The following PDE11A variants were observed in gnomAD, a reference collection of about 807,000 sequenced individuals.
PDE11A encodes the protein phosphodiesterase 11A.
In PDE11A, 100 loss-of-function variants were observed where a neutral mutation model predicts 100.5. That is an observed-to-expected ratio of 1.00 (90% CI 0.85 to 1.18). The LOEUF is 1.18. Ranked by LOEUF, PDE11A falls within the 50% of genes most tolerant of loss-of-function variation. The pLI is 0.00. For missense variants in PDE11A, 1,141 were observed against 1,152.6 expected (o/e 0.99, Z 0.15); for synonymous variants, 381 against 420.8 (o/e 0.91, Z 1.16).
At chr2:177,668,184 G>C (rs923470927) in intron 18 of PDE11A, among the ~76,000 whole-genome samples, 1 of 152,150 alleles carries the variant, frequency 6.6e-6, no homozygotes, top group Non-Finnish European at 1.5e-5. Context: ...AGGCTCCTTA[G>C]TGCTGCGCTA....
At chr2:178,026,812 G>T (rs2086484597) in intron 1 of PDE11A, among the ~76,000 whole-genome samples, 1 of 151,968 alleles carries the variant, frequency 6.6e-6, no homozygotes, top group African/African-American at 2.4e-5. Flanking sequence ...TTTCAAATCA[G>T]TCAGAAAATT....
At chr2:177,649,519 G>A (rs140891168) in intron 19 of PDE11A, among the ~76,000 whole-genome samples, 92 of 152,274 alleles carry the variant, frequency 6.0e-4, no homozygotes, top group African/African-American at 2.1e-3. Context: ...AGCAAGATAT[G>A]GAGCAGGATA....
intron 1 of PDE11A, among the ~76,000 whole-genome samples, chr2:178,055,553 G>A (rs1288833367): frequency 6.6e-6 from 1 of 151,960 alleles, no homozygotes; most frequent in African/African-American, 2.4e-5. Context: ...TTCAAATATT[G>A]GAAACATCAC....
intron 17 of PDE11A, among the ~76,000 whole-genome samples, chr2:177,674,229 T>C (rs896223878): frequency 6.6e-6 from 1 of 152,190 alleles, no homozygotes; most frequent in Middle Eastern, 3.2e-3. Context: ...TTTTCCCATT[T>C]GTGAAATGGG....
chr2:177,705,322 A>G (rs759235394), intron 13 of PDE11A, among the ~76,000 whole-genome samples: 7 of 152,232 alleles, frequency 4.6e-5, no homozygotes, highest in Non-Finnish European at 7.3e-5. Context: ...TATCCATCAT[A>G]TAAGTGTCTT....
Position 178,072,469 on chromosome 2 carries a change from C to T in PDE11A, c.-32G>A. 4 of 1,612,178 alleles carry T rather than the reference C, an allele frequency of 2.5e-6. No individual in the cohort carries two copies. The highest frequency in any genetic ancestry group is 3.4e-6 in the Non-Finnish European group (4 of 1,180,000). On this transcript the variant is annotated 5_prime_UTR_variant, in exon 1 of 20. In the 5' UTR this introduces an upstream ATG that the reference lacks. Coordinates refer to ENST00000286063, the MANE Select transcript of PDE11A (RefSeq NM_016953.4). Reference sequence around the variant, plus strand: ...AGACAGCTTTCCTTGCCTGTTTACACGTGAACCAAATGTTTTCCTGCCCCG... The same window carrying T: ...AGACAGCTTTCCTTGCCTGTTTACATGTGAACCAAATGTTTTCCTGCCCCG...
At chr2:177,926,852 G>A (rs1256095551) in intron 2 of PDE11A, 1 of 151,956 alleles carries the variant, frequency 6.6e-6, no homozygotes, top group Non-Finnish European at 1.5e-5. Context: ...GGATCATTCT[G>A]GTAATTTTTT....
At chr2:177,979,902 G>A (rs937370192) in intron 2 of PDE11A, among the ~76,000 whole-genome samples, 4 of 150,322 alleles carry the variant, frequency 2.7e-5, no homozygotes, top group East Asian at 1.9e-4. Flanking sequence ...GAGCCACCGC[G>A]CCCGGCAGAT....
chr2:177,713,258 C>A (rs1235759423), intron 12 of PDE11A, among the ~76,000 whole-genome samples: 2 of 152,212 alleles, frequency 1.3e-5, no homozygotes, highest in Non-Finnish European at 2.9e-5. Flanking sequence ...ATCCACCCAT[C>A]TCGGCCTCTC....
chr2:177,863,179 A>G (rs2083971375), intron 5 of PDE11A, among the ~76,000 whole-genome samples: 1 of 151,970 alleles, frequency 6.6e-6, no homozygotes, highest in African/African-American at 2.4e-5. Flanking sequence ...CACAAAAATC[A>G]ACTCAAAATG....
chr2:177,857,842 A>G (rs536147658), intron 5 of PDE11A, among the ~76,000 whole-genome samples: 1 of 152,212 alleles, frequency 6.6e-6, no homozygotes, highest in African/African-American at 2.4e-5. Context: ...AAATGGAAAA[A>G]GTATATATAT....
At chr2:177,799,074 T>C (rs1389980449) in intron 9 of PDE11A, among the ~76,000 whole-genome samples, 3 of 152,144 alleles carry the variant, frequency 2.0e-5, no homozygotes, top group African/African-American at 7.2e-5. Flanking sequence ...AAACCCATAA[T>C]TTTGGTGTAA....
intron 9 of PDE11A, among the ~76,000 whole-genome samples, chr2:177,799,556 C>A (rs1454506880): frequency 6.6e-6 from 1 of 152,170 alleles, no homozygotes; most frequent in Non-Finnish European, 1.5e-5. Context: ...TAGAAACCAT[C>A]AATAACTAAA....
At chr2:177,980,470 C>T (rs1301387225) in intron 2 of PDE11A, among the ~76,000 whole-genome samples, 1 of 150,814 alleles carries the variant, frequency 6.6e-6, no homozygotes, top group Non-Finnish European at 1.5e-5. Context: ...ACGGCACTTA[C>T]TTTGACCTTT....
chr2:177,841,098 G>T (rs545825586), intron 5 of PDE11A, among the ~76,000 whole-genome samples: 1 of 152,270 alleles, frequency 6.6e-6, no homozygotes, highest in South Asian at 2.1e-4. Flanking sequence ...GGAATTTTAT[G>T]CCAAATGATT....
intron 1 of PDE11A, among the ~76,000 whole-genome samples, chr2:178,024,757 A>C (rs1394054046): frequency 1.3e-5 from 2 of 152,232 alleles, no homozygotes; most frequent in Non-Finnish European, 2.9e-5. Context: ...AGCTCAAAAA[A>C]TTGCTTTTAT....
At chr2:177,758,093 G>C (rs546857663) in intron 10 of PDE11A, among the ~76,000 whole-genome samples, 1 of 150,836 alleles carries the variant, frequency 6.6e-6, no homozygotes, top group East Asian at 2.0e-4. Flanking sequence ...TCAGGAGATC[G>C]AGACCATCCT....
At chr2:177,713,709 G>A (rs868302652) in intron 12 of PDE11A, among the ~76,000 whole-genome samples, 48 of 151,294 alleles carry the variant, frequency 3.2e-4, no homozygotes, top group African/African-American at 1.1e-3. Flanking sequence ...GAGCGACAGA[G>A]CAAGACTCCA....
chr2:177,944,582 T>G (rs932093340), intron 2 of PDE11A, among the ~76,000 whole-genome samples: 7 of 152,208 alleles, frequency 4.6e-5, no homozygotes, highest in African/African-American at 1.7e-4. Context: ...ATGAACAGTT[T>G]TATTAGATCT....
Sources: gnomAD v4.1 joint callset for allele counts (sites outside exome capture counted in the v4.1 genomes callset) on GRCh38, gnomAD v4.1.1 for gene constraint, MANE v1.5 for transcripts, NCBI Gene and HGNC (gene_info 2026-07-23, HGNC 2026-07-21) for gene names.